ITGBL1: variants seen among roughly 807,000 people sequenced by gnomAD.
ITGBL1 encodes the protein integrin subunit beta like 1.
A neutral mutation model predicts 68.5 loss-of-function variants in ITGBL1; 51 were observed. That is an observed-to-expected ratio of 0.74 (90% confidence interval 0.59 to 0.94). ITGBL1 has a LOEUF of 0.94. Among genes scored for constraint, ITGBL1 ranks in the 40% least tolerant of loss-of-function variants. ITGBL1 has a pLI of 0.00. For synonymous variants in ITGBL1, 209 were observed against 227.3 expected, an observed-to-expected ratio of 0.92 and a Z score of 0.72; for missense variants, 649 against 647.4, an observed-to-expected ratio of 1.00 and a Z score of -0.03.
intron 2 of ITGBL1, among the ~76,000 whole-genome samples, chr13:101,457,109 G>C (rs2139613843): frequency 6.6e-6 from 1 of 152,302 alleles, no homozygotes; most frequent in African/African-American, 2.4e-5. Context: ...TTAGACTAGT[G>C]TCTGACATGA....
chr13:101,548,352 T>G (rs569921541), intron 2 of ITGBL1, among the ~76,000 whole-genome samples: 2 of 151,986 alleles, frequency 1.3e-5, no homozygotes, highest in African/African-American at 2.4e-5. Flanking sequence ...TTAATCTTAG[T>G]ATCTTTTAAT....
chr13:101,538,242 A>G (rs2049613775), intron 2 of ITGBL1, among the ~76,000 whole-genome samples: 1 of 152,060 alleles, frequency 6.6e-6, no homozygotes, highest in Non-Finnish European at 1.5e-5. Context: ...TGGTGTGCCC[A>G]TAAGCAAATA....
chr13:101,465,650 C>T (rs1401539531), intron 2 of ITGBL1, among the ~76,000 whole-genome samples: 1 of 152,154 alleles, frequency 6.6e-6, no homozygotes, highest in Non-Finnish European at 1.5e-5. Context: ...ACAGGAGAAA[C>T]AGGCCCTATT....
chr13:101,683,516 A>T (rs2139532878), intron 7 of ITGBL1, among the ~76,000 whole-genome samples: 1 of 152,130 alleles, frequency 6.6e-6, no homozygotes, highest in East Asian at 1.9e-4. Flanking sequence ...AGTTGCTAAG[A>T]ATAATGTTGC....
At chr13:101,557,819 G>A (rs968521935) in intron 2 of ITGBL1, among the ~76,000 whole-genome samples, 4 of 151,974 alleles carry the variant, frequency 2.6e-5, no homozygotes, top group African/African-American at 7.3e-5. Flanking sequence ...GGCCGGGCAC[G>A]GTGGCTCATG....
rs193271506 is a variant in ITGBL1 at position 101,651,322 on chromosome 13, T to G, written c.1016-41263T>G. On this transcript the variant is annotated intron_variant, in intron 7 of 10. Transcript: ENST00000376180. Reference sequence around the variant, plus strand: ...TCTCCAGCATCTGTTGTTTCTTGACTTTTTAATAAAGGCTATTCTGACTGG... The same window carrying G: ...TCTCCAGCATCTGTTGTTTCTTGACGTTTTAATAAAGGCTATTCTGACTGG... 3.2e-3 allele frequency among the ~76,000 whole-genome samples: 480 copies of G among 152,328 alleles called. 1 individual carries two copies. Among genetic ancestry groups the G allele is most frequent in the Non-Finnish European group, 4.6e-3 (314 of 68,032 alleles).
chr13:101,484,652 G>A (rs577301037), intron 2 of ITGBL1, among the ~76,000 whole-genome samples: 6 of 152,026 alleles, frequency 3.9e-5, no homozygotes, highest in African/African-American at 1.4e-4. Flanking sequence ...ATGTTGTATA[G>A]CGGGGGAAGT....
intron 7 of ITGBL1, among the ~76,000 whole-genome samples, chr13:101,620,510 C>T (rs1475155386): frequency 6.6e-6 from 1 of 152,076 alleles, no homozygotes; most frequent in Non-Finnish European, 1.5e-5. Context: ...GATCTCTCGT[C>T]TTAAATTGTC....
intron 2 of ITGBL1, among the ~76,000 whole-genome samples, chr13:101,533,596 CT>C (rs1158524885): frequency 6.6e-6 from 1 of 152,210 alleles, no homozygotes; most frequent in South Asian, 2.1e-4. Context: ...TTGGTTAAAA[CT>C]TTTTGATTAG....
chr13:101,614,827 C>T (rs558048233), intron 7 of ITGBL1, among the ~76,000 whole-genome samples: 3 of 152,260 alleles, frequency 2.0e-5, no homozygotes, highest in African/African-American at 7.2e-5. Context: ...CTCAGATGCT[C>T]CCCAGAAACC....
chr13:101,535,020 A>G (rs900018855), intron 2 of ITGBL1, among the ~76,000 whole-genome samples: 1 of 152,054 alleles, frequency 6.6e-6, no homozygotes, highest in Non-Finnish European at 1.5e-5. Flanking sequence ...TTTGTTTGTC[A>G]TATTCCTCTT....
At chr13:101,652,736 C>T (rs935739295) in intron 7 of ITGBL1, among the ~76,000 whole-genome samples, 1 of 152,134 alleles carries the variant, frequency 6.6e-6, no homozygotes, top group African/African-American at 2.4e-5. Flanking sequence ...TCCTCAGAAA[C>T]ACCCAAAATG....
intron 7 of ITGBL1, among the ~76,000 whole-genome samples, chr13:101,605,080 A>G (rs2030675052): frequency 6.8e-6 from 1 of 146,124 alleles, no homozygotes; most frequent in South Asian, 2.1e-4. Flanking sequence ...ATATACATAT[A>G]TGCGTATATG....
intron 7 of ITGBL1, among the ~76,000 whole-genome samples, chr13:101,604,885 T>TATATACACATAC (rs1566752977): frequency 8.4e-5 from 1 of 11,918 alleles, no homozygotes; most frequent in Non-Finnish European, 1.8e-4. Flanking sequence ...TATATATATA[T>TATATACACATAC]ATACACACAC....
chr13:101,466,124 G>A (rs1033841473), intron 2 of ITGBL1, among the ~76,000 whole-genome samples: 1 of 152,108 alleles, frequency 6.6e-6, no homozygotes, highest in Non-Finnish European at 1.5e-5. Context: ...CTCATATCCT[G>A]CCAATATTGC....
chr13:101,646,399 T>A (rs2032560906), intron 7 of ITGBL1, among the ~76,000 whole-genome samples: 1 of 152,148 alleles, frequency 6.6e-6, no homozygotes, highest in Admixed American at 6.5e-5. Context: ...CAAAGAACCT[T>A]AAGAAATAAC....
intron 2 of ITGBL1, among the ~76,000 whole-genome samples, chr13:101,544,570 CTT>C (rs1002571156): frequency 2.2e-4 from 34 of 152,152 alleles, no homozygotes; most frequent in African/African-American, 7.7e-4. Flanking sequence ...AACCACTACT[CTT>C]TTCAAAGCTA....
intron 2 of ITGBL1, among the ~76,000 whole-genome samples, chr13:101,459,760 TA>T (rs1298709658): frequency 9.9e-5 from 15 of 152,050 alleles, no homozygotes; most frequent in Admixed American, 7.9e-4. Flanking sequence ...GAAATAAATA[TA>T]AAAAATAAAT....
intron 2 of ITGBL1, among the ~76,000 whole-genome samples, chr13:101,482,157 T>C (rs1324884242): frequency 6.6e-6 from 1 of 152,188 alleles, no homozygotes; most frequent in Non-Finnish European, 1.5e-5. Flanking sequence ...TTCTTTAAAA[T>C]ATTGAATCTG....
Sources: allele counts gnomAD v4.1 joint callset (sites outside exome capture counted in the v4.1 genomes callset), GRCh38; gene constraint gnomAD v4.1.1; transcripts MANE v1.5; gene names NCBI Gene and HGNC (gene_info 2026-07-23, HGNC 2026-07-21).